LY86: variants seen among roughly 807,000 people sequenced by gnomAD.
LY86 encodes the protein lymphocyte antigen 86.
In LY86, 20 loss-of-function variants were observed where a neutral mutation model predicts 17.3. That is an observed-to-expected ratio of 1.15 (90% confidence interval 0.81 to 1.68). LY86 has a LOEUF of 1.68. LY86 is among the 40% of genes most tolerant of loss of function. The probability of loss-of-function intolerance (pLI) is 0.00; values close to 1 mark genes in which losing one functional copy is unlikely to be tolerated. For synonymous variants in LY86, 74 were observed against 70.6 expected, an observed-to-expected ratio of 1.05 and a Z score of -0.24; for missense variants, 200 against 191.9, an observed-to-expected ratio of 1.04 and a Z score of -0.25.
chr6:6,643,741 AACAC>A (rs1177157926), intron 3 of LY86, among the ~76,000 whole-genome samples: 2 of 152,202 alleles, frequency 1.3e-5, no homozygotes, highest in African/African-American at 4.8e-5. Flanking sequence ...CATGCACACG[AACAC>A]ACACGTGCAG....
intron 3 of LY86, among the ~76,000 whole-genome samples, chr6:6,642,070 A>G (rs1206834580): frequency 6.6e-6 from 1 of 152,226 alleles, no homozygotes; most frequent in Non-Finnish European, 1.5e-5. Flanking sequence ...GCCCCTTGAC[A>G]TGGAGTAATG....
At chr6:6,628,091 T>C (rs1295897157) in intron 3 of LY86, among the ~76,000 whole-genome samples, 1 of 152,138 alleles carries the variant, frequency 6.6e-6, no homozygotes, top group Non-Finnish European at 1.5e-5. Context: ...TTTTCCTCTC[T>C]CAACTTACTG....
At position 6,628,273 on chromosome 6, in the gene LY86, TTCCCTCCCCTTCCTCCC is replaced by T. The variant is rs1335069576; in HGVS notation, c.352+1865_352+1881del. 6.6e-5 allele frequency among the ~76,000 whole-genome samples: 4 copies of T among 61,060 alleles called. No homozygotes were observed. The East Asian group carries it at 1.8e-3, about 27-fold the overall frequency. 40.1% of individuals were successfully genotyped at this position (61,060 alleles called of 152,430 possible). A position where few individuals can be genotyped will look rare whatever the true frequency, so the allele number is the denominator to read the frequency against. The stretch of plus-strand genomic sequence containing the variant: ...CTCCCTCCCTCCCTCCCCTTCCTCC[TTCCCTCCCCTTCCTCCC>T]TCCCTCCCCTTCTTCCTTCTCTCCC... On this transcript the variant is annotated intron_variant, in intron 3 of 4. Transcript: ENST00000230568.
chr6:6,605,689 CT>C (rs1761099059), intron 1 of LY86, among the ~76,000 whole-genome samples: 1 of 152,242 alleles, frequency 6.6e-6, no homozygotes, highest in Non-Finnish European at 1.5e-5. Flanking sequence ...ATCTCACGGA[CT>C]TAAAGAATGA....
chr6:6,652,006 A>T (rs1762193393), intron 4 of LY86, among the ~76,000 whole-genome samples: 1 of 136,112 alleles, frequency 7.3e-6, no homozygotes, highest in Non-Finnish European at 1.5e-5. Context: ...CAGTGAGCCG[A>T]GATCACACCA....
intron 1 of LY86, among the ~76,000 whole-genome samples, chr6:6,603,190 C>T (rs1760968011): frequency 6.6e-6 from 1 of 152,000 alleles, no homozygotes; most frequent in Admixed American, 6.6e-5. Flanking sequence ...TGATGATGTC[C>T]CAAAGCCTCC....
chr6:6,594,323 T>C (rs1760631861), intron 1 of LY86, among the ~76,000 whole-genome samples: 1 of 152,214 alleles, frequency 6.6e-6, no homozygotes, highest in African/African-American at 2.4e-5. Flanking sequence ...ATATTTTTAA[T>C]GTTAAAGAAT....
In LY86 at chr6:6,603,600, AAACAG is replaced by A. The variant is rs775785093; in HGVS notation, c.136+14733_136+14737del. On this transcript the variant is annotated intron_variant, in intron 1 of 4. Coordinates refer to ENST00000230568, the MANE Select transcript of LY86 (RefSeq NM_004271.4). ...AAGCCAAAGCCAAAAACAAAAACAG[AAACAG>A]AAAAAAAAACAAACAAAAAAAAACA... 2.7e-4 allele frequency among the ~76,000 whole-genome samples: 23 copies of A among 86,236 alleles called. 1 individual carries two copies. The highest frequency in any genetic ancestry group is 8.2e-4 in the African/African-American group (23 of 28,154). The allele number at this position is 86,236 out of a possible 152,430, so 56.6% of individuals were successfully genotyped here.
In LY86 at chr6:6,639,141, C is replaced by A. The variant is rs2064235; in HGVS notation, c.353-10484C>A. 1.2e-4 allele frequency among the ~76,000 whole-genome samples: 18 copies of A among 151,504 alleles called. No homozygotes were observed. The East Asian group carries it at 3.5e-3, about 29-fold the overall frequency. On this transcript the variant is annotated intron_variant, in intron 3 of 4. Coordinates refer to ENST00000230568, the MANE Select transcript of LY86 (RefSeq NM_004271.4). ...GTCCTTTGTAGGGACAGGGATGAAA[C>A]TGGAAATCATCATTCTCAGCTCTAA... is the stretch of plus-strand genomic sequence containing the variant.
intron 1 of LY86, among the ~76,000 whole-genome samples, chr6:6,593,224 C>T (rs1760587319): frequency 1.3e-5 from 2 of 152,246 alleles, no homozygotes; most frequent in Non-Finnish European, 2.9e-5. Flanking sequence ...TGTATAGGTG[C>T]ATTCCTTGGC....
chr6:6,605,242 G>A (rs1449713986), intron 1 of LY86, among the ~76,000 whole-genome samples: 2 of 152,014 alleles, frequency 1.3e-5, no homozygotes, highest in African/African-American at 2.4e-5. Flanking sequence ...CCTAAAATTT[G>A]GCAGTTAAAA....
chr6:6,649,500 T>TTA, intron 3 of LY86, 125 bp from the exon 4 acceptor site: 1 of 607,600 alleles, frequency 1.6e-6, no homozygotes, highest in Non-Finnish European at 2.8e-6. Context: ...AAAACATTTC[T>TTA]AGCAATAGCT....
intron 1 of LY86, among the ~76,000 whole-genome samples, chr6:6,605,778 T>C (rs1438440828): frequency 2.0e-5 from 3 of 152,216 alleles, no homozygotes; most frequent in South Asian, 2.1e-4. Context: ...GATGCTGGGA[T>C]GTGTTCAGTT....
At chr6:6,624,296 T>G (rs1446690397) in intron 1 of LY86, among the ~76,000 whole-genome samples, 1 of 148,124 alleles carries the variant, frequency 6.8e-6, no homozygotes, top group Non-Finnish European at 1.5e-5. Flanking sequence ...GCAGAAAATA[T>G]TATCTTTATA....
rs560321125 is a variant in LY86, at chr6:6,595,061, C to T, written c.136+6191C>T. On this transcript the variant is annotated intron_variant, in intron 1 of 4. Transcript: ENST00000230568. ...AAGTCTTCGGGTAAAAAAGTGAAAA[C>T]GCCAAGCAGTCTGTGGACCAGCAAA... 1.5e-4 allele frequency among the ~76,000 whole-genome samples: 23 copies of T among 151,486 alleles called. No individual in the cohort carries two copies. In the East Asian group the frequency reaches 3.7e-3, roughly 24 times the overall value.
chr6:6,611,868 A>AT lies in LY86; in HGVS notation c.137-13052dup, dbSNP rs372133711. On this transcript the variant is annotated intron_variant, in intron 1 of 4. Coordinates refer to ENST00000230568, the MANE Select transcript of LY86 (RefSeq NM_004271.4). ...CTGTCAATCTAGCATCTCTCCTTCC[A>AT]TTTTTTCTGCACCTACCAAAAATAA... Among the ~76,000 whole-genome samples, 955 of 151,956 alleles carry AT rather than the reference A, an allele frequency of 6.3e-3. 8 individuals are homozygous for AT. The highest frequency in any genetic ancestry group is 0.022 in the African/African-American group (896 of 41,398).
At chr6:6,605,779 G>A (rs1761105965) in intron 1 of LY86, among the ~76,000 whole-genome samples, 1 of 152,234 alleles carries the variant, frequency 6.6e-6, no homozygotes. Context: ...ATGCTGGGAT[G>A]TGTTCAGTTT....
intron 1 of LY86, among the ~76,000 whole-genome samples, chr6:6,623,818 A>G (rs1203872189): frequency 6.6e-6 from 1 of 152,204 alleles, no homozygotes; most frequent in Non-Finnish European, 1.5e-5. Context: ...CATAAAGGAA[A>G]AGGAAATGGA....
At chr6:6,606,023 C>T (rs545868291) in intron 1 of LY86, among the ~76,000 whole-genome samples, 5 of 152,204 alleles carry the variant, frequency 3.3e-5, no homozygotes, top group Non-Finnish European at 5.9e-5. Context: ...AAAACTTCCA[C>T]AGCACGTAAT....
Sources: gnomAD v4.1 joint callset for allele counts (sites outside exome capture counted in the v4.1 genomes callset) on GRCh38, gnomAD v4.1.1 for gene constraint, MANE v1.5 for transcripts, NCBI Gene and HGNC (gene_info 2026-07-23, HGNC 2026-07-21) for gene names.